HS6ST1: variants seen among roughly 807,000 people sequenced by gnomAD.
The protein encoded by HS6ST1 is heparan sulfate 6-O-sulfotransferase 1.
HS6ST1 carries 3 observed loss-of-function variants against 25.2 expected under a neutral mutation model. The ratio of observed to expected loss-of-function variants is 0.12; its 90% confidence interval spans 0.05 to 0.31. The LOEUF is 0.31. Among genes scored for constraint, HS6ST1 ranks in the 10% least tolerant of loss-of-function variants. The pLI is 1.00. For missense variants in HS6ST1, 310 were observed against 609.6 expected, an observed-to-expected ratio of 0.51 and a Z score of 5.18; for synonymous variants, 204 against 275.1, an observed-to-expected ratio of 0.74 and a Z score of 2.56.
At chr2:128,276,078 AAAAC>A (rs1573691469) in intron 1 of HS6ST1, among the ~76,000 whole-genome samples, 1 of 152,224 alleles carries the variant, frequency 6.6e-6, no homozygotes, top group African/African-American at 2.4e-5. Flanking sequence ...CAAGTTCTCA[AAAAC>A]AAACAAATCC....
intron 1 of HS6ST1, among the ~76,000 whole-genome samples, chr2:128,311,409 C>T (rs1694288320): frequency 6.6e-6 from 1 of 152,308 alleles, no homozygotes; most frequent in African/African-American, 2.4e-5. Flanking sequence ...TCATGCAGCC[C>T]TTCCAGTGGG....
intron 1 of HS6ST1, among the ~76,000 whole-genome samples, chr2:128,286,118 T>C (rs1389767415): frequency 1.3e-5 from 2 of 152,200 alleles, no homozygotes; most frequent in African/African-American, 4.8e-5. Flanking sequence ...ACTTAGAGCC[T>C]ACAGCACCCT....
chr2:128,284,190 C>G (rs1693826986), intron 1 of HS6ST1, among the ~76,000 whole-genome samples: 1 of 152,216 alleles, frequency 6.6e-6, no homozygotes, highest in Admixed American at 6.5e-5. Context: ...AACTCTGCAA[C>G]TAGGTGCTCA....
chr2:128,268,221 C>T lies in HS6ST1; in HGVS notation c.1177G>A (p.Asp393Asn), dbSNP rs201160903. ...TCGGTGGGCACGCGGCCCGGCTCGT[C>T]GGCATCCTCCCGCGGCAGTGCCTCC... Reference protein sequence around the residue: ...AKEALPREDADEPGRVPTEDY... With the variant: ...AKEALPREDANEPGRVPTEDY... Residue 393 changes from aspartate to asparagine, a missense_variant, in exon 2 of 2, where the codon GAC becomes AAC. Asp to Asn is a conservative substitution (Grantham distance 23, BLOSUM62 1). This residue lies in a region of HS6ST1 where 140 missense variants were observed against 176.5 expected (regional missense o/e 0.79). Coordinates refer to ENST00000259241, the MANE Select transcript of HS6ST1 (RefSeq NM_004807.3). 9.0e-4 allele frequency: 1,451 copies of T among 1,609,984 alleles called. 8 individuals are homozygous for T. The East Asian group carries it at 0.011, about 12-fold the overall frequency.
intron 1 of HS6ST1, among the ~76,000 whole-genome samples, chr2:128,298,861 G>T (rs1006773341): frequency 2.0e-5 from 3 of 152,192 alleles, no homozygotes; most frequent in Non-Finnish European, 2.9e-5. Context: ...TTCCCACAAC[G>T]AGTGTCCTCA....
chr2:128,273,381 A>G (rs182944540), intron 1 of HS6ST1, among the ~76,000 whole-genome samples: 20 of 152,354 alleles, frequency 1.3e-4, no homozygotes, highest in African/African-American at 4.3e-4. Flanking sequence ...CTGTGAGGCC[A>G]GCAGCCAAAT....
chr2:128,302,779 C>T (rs1341742428), intron 1 of HS6ST1, among the ~76,000 whole-genome samples: 1 of 152,192 alleles, frequency 6.6e-6, no homozygotes, highest in Non-Finnish European at 1.5e-5. Context: ...ATTCCAACGG[C>T]TCTGTGGTGG....
At chr2:128,275,194 C>T (rs1051602088) in intron 1 of HS6ST1, among the ~76,000 whole-genome samples, 1 of 152,102 alleles carries the variant, frequency 6.6e-6, no homozygotes, top group Admixed American at 6.5e-5. Context: ...AAATGAAGTA[C>T]ACTACTTGCC....
intron 1 of HS6ST1, among the ~76,000 whole-genome samples, chr2:128,292,419 T>C (rs1263417381): frequency 6.6e-6 from 1 of 152,192 alleles, no homozygotes. Context: ...CACACCAGTC[T>C]GGACACAGAA....
chr2:128,307,169 G>A, intron 1 of HS6ST1, among the ~76,000 whole-genome samples: 1 of 152,156 alleles, frequency 6.6e-6, no homozygotes. Context: ...CCTGGCACGT[G>A]AGGAACTGTC....
At chr2:128,301,416 C>T (rs1694124327) in intron 1 of HS6ST1, among the ~76,000 whole-genome samples, 1 of 152,152 alleles carries the variant, frequency 6.6e-6, no homozygotes, top group East Asian at 1.9e-4. Flanking sequence ...TTTGGAAAAG[C>T]ATCTCCTCTA....
intron 1 of HS6ST1, among the ~76,000 whole-genome samples, chr2:128,299,923 G>C (rs887387241): frequency 6.6e-6 from 1 of 152,210 alleles, no homozygotes; most frequent in Non-Finnish European, 1.5e-5. Context: ...CGCCAGCAAG[G>C]CAGGGTGGCT....
At chr2:128,270,248 T>C (rs1325849078) in intron 1 of HS6ST1, among the ~76,000 whole-genome samples, 1 of 152,078 alleles carries the variant, frequency 6.6e-6, no homozygotes, top group African/African-American at 2.4e-5. Context: ...TCTCAGCAGA[T>C]GGGGTGGAGG....
intron 1 of HS6ST1, among the ~76,000 whole-genome samples, chr2:128,313,539 C>T (rs1047303689): frequency 1.3e-5 from 2 of 152,154 alleles, no homozygotes; most frequent in African/African-American, 4.8e-5. Flanking sequence ...ACCAAACAAT[C>T]ATTATAACCA....
intron 1 of HS6ST1, among the ~76,000 whole-genome samples, chr2:128,309,123 C>T (rs1290438188): frequency 2.0e-5 from 3 of 152,220 alleles, no homozygotes; most frequent in Non-Finnish European, 4.4e-5. Context: ...TGCTGACACC[C>T]CTGGTATGGT....
At chr2:128,287,959 C>CA (rs1174545404) in intron 1 of HS6ST1, among the ~76,000 whole-genome samples, 3 of 152,354 alleles carry the variant, frequency 2.0e-5, no homozygotes, top group African/African-American at 7.2e-5. Flanking sequence ...CTTCTGACAC[C>CA]GGCAGGCGAG....
At position 128,266,064 on chromosome 2, in the gene HS6ST1, C is replaced by T. The variant is rs904197175; in HGVS notation, c.*2098G>A. The T allele has an allele frequency of 1.5e-4, 22 of 151,478 alleles. No homozygotes were observed. Among genetic ancestry groups the T allele is most frequent in the African/African-American group, 1.2e-4 (5 of 41,280 alleles). 9.4% of individuals were successfully genotyped at this position (151,478 alleles called of 1,614,324 possible). A position where few individuals can be genotyped will look rare whatever the true frequency, so the allele number is the denominator to read the frequency against. ...CCGTGCTTCCGTGTGAGTTGGGATG[C>T]GGGGCATAAGTTAACACATATTCCA... is the stretch of plus-strand genomic sequence containing the variant. On this transcript the variant is annotated 3_prime_UTR_variant, in exon 2 of 2. Transcript: ENST00000259241.
At chr2:128,288,613 C>T (rs781232249) in intron 1 of HS6ST1, among the ~76,000 whole-genome samples, 5 of 152,144 alleles carry the variant, frequency 3.3e-5, no homozygotes, top group Non-Finnish European at 5.9e-5. Context: ...GGGCCTAGTG[C>T]CCTGGGCCAT....
chr2:128,268,723 G>C lies in HS6ST1; in HGVS notation c.675C>G (p.Tyr225Ter). 6.2e-7 allele frequency: 1 copy of C among 1,612,500 alleles called. No individual in the cohort carries two copies. Among genetic ancestry groups the C allele is most frequent in the East Asian group, 2.2e-5 (1 of 44,868 alleles). ...TPTPEELPPC[Y>*]EGTDWSGCTL... The stretch of plus-strand genomic sequence containing the variant: ...TGCAGCCCGACCAGTCCGTGCCCTC[G>C]TAGCAGGGCGGCAGCTCCTCAGGCG... Residue 225 changes from tyrosine (Y) to a stop codon, truncating the protein, a stop_gained, in exon 2 of 2, where the codon TAC (tyrosine) becomes TAG (stop). Coordinates refer to ENST00000259241, the MANE Select transcript of HS6ST1 (RefSeq NM_004807.3). LOFTEE classifies it high-confidence loss of function.
Sources: allele counts gnomAD v4.1 joint callset (sites outside exome capture counted in the v4.1 genomes callset), GRCh38; gene constraint gnomAD v4.1.1; regional missense constraint gnomAD v4.1.1; transcripts MANE v1.5; gene names NCBI Gene and HGNC (gene_info 2026-07-23, HGNC 2026-07-21).